The following ATP9A variants were observed in gnomAD, a reference collection of about 807,000 sequenced individuals.
ATP9A encodes the protein probable phospholipid-transporting ATPase IIA.
In ATP9A, 52 loss-of-function variants were observed where a neutral mutation model predicts 144.1. The ratio of observed to expected loss-of-function variants is 0.36; its 90% CI spans 0.29 to 0.45. ATP9A has a LOEUF of 0.45. ATP9A is among the 20% of genes least tolerant of loss of function. The pLI, the probability that ATP9A is intolerant of heterozygous loss-of-function variation, is 1.00. For missense variants in ATP9A, 947 were observed against 1,392.7 expected (o/e 0.68, Z 5.09); for synonymous variants, 582 against 557.4 (o/e 1.04, Z -0.62).
intron 1 of ATP9A, among the ~76,000 whole-genome samples, chr20:51,735,331 C>T (rs1007091606): frequency 6.6e-6 from 1 of 150,706 alleles, no homozygotes; most frequent in African/African-American, 2.5e-5. Flanking sequence ...CAGGGAGACG[C>T]TTGCATGAGC....
intron 26 of ATP9A, among the ~76,000 whole-genome samples, chr20:51,606,164 G>A (rs377623757): frequency 4.0e-4 from 61 of 150,754 alleles, no homozygotes; most frequent in African/African-American, 1.3e-3. Flanking sequence ...GGCTGAGGCC[G>A]GAGAATCGCT....
In ATP9A at chr20:51,650,391, G is replaced by T. The variant is rs542952795; in HGVS notation, c.1506+6547C>A. On this transcript the variant is annotated intron_variant, in intron 14 of 27. Coordinates refer to ENST00000338821, the MANE Select transcript of ATP9A (RefSeq NM_006045.3). The stretch of plus-strand genomic sequence containing the variant: ...TCTACTAAAAATACAAAAATTAGCT[G>T]GGCGTGATGGCGTGCACCTGTAGTC... 2.0e-5 allele frequency among the ~76,000 whole-genome samples: 3 copies of T among 152,022 alleles called. No homozygotes were observed. The East Asian group carries it at 5.8e-4, about 30-fold the overall frequency.
intron 13 of ATP9A, 127 bp from the exon 14 acceptor site, chr20:51,657,277 C>G (rs757106502): frequency 5.8e-5 from 38 of 653,656 alleles, no homozygotes; most frequent in Admixed American, 6.3e-5. Flanking sequence ...TTAGATATAT[C>G]TACAATGATG....
At chr20:51,697,312 GT>G in intron 5 of ATP9A, 111 bp downstream of exon 5, 1 of 1,021,570 alleles carries the variant, frequency 9.8e-7, no homozygotes, top group Non-Finnish European at 1.4e-6. Flanking sequence ...CCCAGGCAAA[GT>G]TTTTGGATAG....
intron 4 of ATP9A, among the ~76,000 whole-genome samples, chr20:51,698,290 G>A (rs4811227): frequency 0.22 from 32,867 of 152,182 alleles, 4,141 homozygotes; most frequent in East Asian, 0.39. Flanking sequence ...TTGGAAGGCC[G>A]AAGCAGGCAG....
At chr20:51,715,110 C>A (rs1186199863) in intron 3 of ATP9A, among the ~76,000 whole-genome samples, 1 of 152,172 alleles carries the variant, frequency 6.6e-6, no homozygotes, top group Admixed American at 6.6e-5. Flanking sequence ...CAAGGGTTAG[C>A]AGTTGTGGTT....
intron 3 of ATP9A, among the ~76,000 whole-genome samples, chr20:51,714,964 A>C (rs1346602716): frequency 6.6e-6 from 1 of 152,194 alleles, no homozygotes; most frequent in Admixed American, 6.5e-5. Context: ...TTCCTCTTGT[A>C]ATCAATAAAG....
Position 51,627,725 on chromosome 20 carries a change from C to A in ATP9A, c.1762-42G>T, listed in dbSNP as rs1347760296. 2.6e-6 allele frequency: 4 copies of A among 1,542,422 alleles called. No individual in the cohort carries two copies. The Admixed American group carries it at 6.7e-5, about 26-fold the overall frequency. On this transcript the variant is annotated intron_variant, in intron 16 of 27. Coordinates refer to ENST00000338821, the MANE Select transcript of ATP9A (RefSeq NM_006045.3). ...GGTCGAGTGGGAGCGGTGCTGAGAG[C>A]TCCTGACCTCACTGGGGAAGGACCA...
rs141001690 is a variant in ATP9A, at chr20:51,690,803, C to T, written c.659G>A (p.Arg220Gln). 2.2e-5 allele frequency: 35 copies of T among 1,614,100 alleles called. No homozygotes were observed. Among genetic ancestry groups the T allele is most frequent in the East Asian group, 8.9e-5 (4 of 44,878 alleles). ...LPTAADLLQI[R>Q]SYVYAEEPNI... ...TGGCTCTTCTGCGTACACATACGAT[C>T]GAATCTGAAGAAGGTCCTGTTCAAC... Residue 220 changes from arginine to glutamine, a missense_variant, in exon 8 of 28, where the codon CGA becomes CAA. Coordinates refer to ENST00000338821, the MANE Select transcript of ATP9A (RefSeq NM_006045.3).
chr20:51,634,334 G>A (rs1245550760), intron 15 of ATP9A, among the ~76,000 whole-genome samples: 3 of 152,172 alleles, frequency 2.0e-5, no homozygotes, highest in African/African-American at 7.2e-5. Flanking sequence ...TCATTCCCCA[G>A]GAAACACCCC....
At chr20:51,687,728 C>T (rs538217613) in intron 9 of ATP9A, among the ~76,000 whole-genome samples, 1 of 151,316 alleles carries the variant, frequency 6.6e-6, no homozygotes, top group South Asian at 2.1e-4. Context: ...TGCACCCCTG[C>T]ACTCCAGCCT....
chr20:51,656,715 A>T (rs918902999), intron 14 of ATP9A, among the ~76,000 whole-genome samples: 1 of 152,140 alleles, frequency 6.6e-6, no homozygotes, highest in Non-Finnish European at 1.5e-5. Context: ...TTACAAAACA[A>T]AATCTCTAAC....
At chr20:51,753,193 G>A (rs1006362905) in intron 1 of ATP9A, among the ~76,000 whole-genome samples, 2 of 152,144 alleles carry the variant, frequency 1.3e-5, no homozygotes, top group African/African-American at 4.8e-5. Context: ...AGACTATAAG[G>A]CACTGGTTAA....
chr20:51,625,285 C>T lies in ATP9A; in HGVS notation c.1923G>A (p.Met641Ile). The change falls in exon 18 of 28, where the codon ATG (methionine) becomes ATA (isoleucine). Residue 641 changes from methionine (M) to isoleucine (I), a missense_variant. Physicochemically the swap from Met to Ile is conservative, Grantham distance 10 (BLOSUM62 1). Around this residue, in one of 2 missense-constraint regions of ATP9A, gnomAD observed 770 missense variants for 1,047.9 expected, o/e 0.73. Coordinates refer to ENST00000338821, the MANE Select transcript of ATP9A (RefSeq NM_006045.3). ...CCGTCAGGCACAGCAGTTCCATCTC[C>T]ATCTCCAGGCTCTCGATCACCGTGG... ...KVATVIESLE[M>I]EMELLCLTGV... The T allele has an allele frequency of 1.2e-6, 2 of 1,614,242 alleles. No homozygotes were observed. Among genetic ancestry groups the T allele is most frequent in the Non-Finnish European group, 1.7e-6 (2 of 1,180,034 alleles).
In ATP9A at chr20:51,725,913, T is replaced by C. The variant is rs764649795; in HGVS notation, c.233A>G (p.Lys78Arg). Residue 78 changes from lysine (K) to arginine (R), a missense_variant, in exon 3 of 28, where the codon AAA becomes AGA. Coordinates refer to ENST00000338821, the MANE Select transcript of ATP9A (RefSeq NM_006045.3). Reference protein sequence around the residue: ...FLPGVLFNQFKYFFNLYFLLL... With the variant: ...FLPGVLFNQFRYFFNLYFLLL... Reference sequence around the variant, plus strand: ...TAAGAAATAGAGGTTGAAAAAGTATTTGAACTGGTTGAACAGCACCTGGAA... The same window carrying C: ...TAAGAAATAGAGGTTGAAAAAGTATCTGAACTGGTTGAACAGCACCTGGAA... 6.2e-7 allele frequency: 1 copy of C among 1,608,488 alleles called. No homozygotes were observed. The highest frequency in any genetic ancestry group is 8.5e-7 in the Non-Finnish European group (1 of 1,174,850).
At chr20:51,686,909 T>C (rs539493341) in intron 9 of ATP9A, among the ~76,000 whole-genome samples, 1 of 144,654 alleles carries the variant, frequency 6.9e-6, no homozygotes, top group Non-Finnish European at 1.5e-5. Flanking sequence ...CACTCCAGCC[T>C]GGGCCACAGA....
intron 3 of ATP9A, among the ~76,000 whole-genome samples, chr20:51,716,668 T>A (rs997486495): frequency 7.3e-5 from 11 of 151,186 alleles, no homozygotes; most frequent in African/African-American, 2.7e-4. Flanking sequence ...GGGCAAAAAA[T>A]TTAAAACTTA....
At chr20:51,676,286 G>A in intron 9 of ATP9A, 78 bp from the exon 10 acceptor site, 1 of 1,131,482 alleles carries the variant, frequency 8.8e-7, no homozygotes, top group Non-Finnish European at 1.3e-6. Context: ...AGAAGAGTCT[G>A]ATCCTCTTGA....
intron 1 of ATP9A, among the ~76,000 whole-genome samples, chr20:51,744,248 C>T (rs1178159436): frequency 6.6e-6 from 1 of 152,028 alleles, no homozygotes; most frequent in Non-Finnish European, 1.5e-5. Context: ...TCACTGTAAC[C>T]TCCGCCTCCC....
Sources: gnomAD v4.1 joint callset for allele counts (sites outside exome capture counted in the v4.1 genomes callset) on GRCh38, gnomAD v4.1.1 for gene constraint, gnomAD v4.1.1 regional missense constraint, MANE v1.5 for transcripts, NCBI Gene and HGNC (gene_info 2026-07-23, HGNC 2026-07-21) for gene names.